CDHR3: variants seen among roughly 807,000 people sequenced by gnomAD.
The protein encoded by CDHR3 is cadherin-related family member 3.
A neutral mutation model predicts 86.6 loss-of-function variants in CDHR3; 79 were observed. The ratio of observed to expected loss-of-function variants is 0.91; its 90% CI spans 0.76 to 1.10. The LOEUF (loss-of-function observed/expected upper bound fraction) is 1.10. Among genes scored for constraint, CDHR3 ranks in the 50% least tolerant of loss-of-function variants. CDHR3 has a pLI of 0.00. For synonymous variants in CDHR3, 421 were observed against 402.4 expected, an observed-to-expected ratio of 1.05 and a Z score of -0.55; for missense variants, 1,081 against 1,077.6, an observed-to-expected ratio of 1.00 and a Z score of -0.04.
At chr7:106,019,615 A>T (rs929314207) in intron 12 of CDHR3, among the ~76,000 whole-genome samples, 19 of 152,340 alleles carry the variant, frequency 1.2e-4, no homozygotes, top group African/African-American at 4.3e-4. Flanking sequence ...CAGGCATCCC[A>T]GGCTATATTC....
At chr7:105,997,942 C>CT (rs11421876) in intron 6 of CDHR3, among the ~76,000 whole-genome samples, 1,860 of 147,066 alleles carry the variant, frequency 0.013, 26 homozygotes, top group African/African-American at 0.039. Context: ...GTGTGACGGT[C>CT]TTTTTTTTTT....
chr7:106,007,864 A>C (rs1834175195), intron 8 of CDHR3, among the ~76,000 whole-genome samples: 1 of 152,198 alleles, frequency 6.6e-6, no homozygotes, highest in Non-Finnish European at 1.5e-5. Flanking sequence ...TTACTGGATT[A>C]GTCCATTTTC....
intron 8 of CDHR3, among the ~76,000 whole-genome samples, chr7:106,005,903 A>C (rs986350505): frequency 3.3e-5 from 5 of 152,204 alleles, no homozygotes; most frequent in African/African-American, 1.2e-4. Context: ...TCTGTGCTCC[A>C]AGACGCTGAC....
At chr7:105,984,325 C>G in intron 4 of CDHR3, 36 bp downstream of exon 4, 1 of 1,538,332 alleles carries the variant, frequency 6.5e-7, no homozygotes, top group Non-Finnish European at 8.9e-7. Context: ...GGTGTTTGTC[C>G]GTGTTGGGTT....
Position 106,024,543 on chromosome 7 carries a change from G to A in CDHR3, c.2239G>A (p.Gly747Arg), listed in dbSNP as rs758080132. Residue 747 changes from glycine to arginine, a missense_variant, in exon 15 of 19, where the codon GGG becomes AGG. Gly to Arg is a moderately radical substitution (Grantham distance 125). Transcript: ENST00000317716. ...AIHRHCPCKTGKNKEPLTKKG... is the reference protein window; with the variant it reads ...AIHRHCPCKTRKNKEPLTKKG... ...CCACAGACACTGCCCCTGCAAGACT[G>A]GGAAGAACAAGGAACCTCTGTAAGT... 6.2e-7 allele frequency: 1 copy of A among 1,614,018 alleles called. No individual in the cohort carries two copies. The highest frequency in any genetic ancestry group is 1.1e-5 in the South Asian group (1 of 91,078).
rs559079966 is a variant in CDHR3, at chr7:106,001,465, G to C, written c.717G>C (p.Pro239=). Residue 239 remains proline, a synonymous_variant, in exon 7 of 19, where the codon CCG becomes CCC. Coordinates refer to ENST00000317716, the MANE Select transcript of CDHR3 (RefSeq NM_152750.5). The stretch of plus-strand genomic sequence containing the variant: ...GTCTGCTGTATCTCTGTTCCAGCCC[G>C]ACACGAGTGTACACAGTCCTGGAGG... The part of the protein sequence containing the change: ...LNDEVPRFTS[P]TRVYTVLEEL... The C allele has an allele frequency of 3.7e-6, 6 of 1,613,462 alleles. No homozygotes were observed. In the Admixed American group the frequency reaches 5.0e-5, roughly 13 times the overall value.
intron 2 of CDHR3, among the ~76,000 whole-genome samples, chr7:105,976,226 G>A (rs1017086424): frequency 2.6e-5 from 4 of 152,156 alleles, no homozygotes; most frequent in African/African-American, 4.8e-5. Flanking sequence ...TATAGAGCAC[G>A]TTGTGTACAC....
chr7:106,016,119 C>T (rs1835592952), intron 11 of CDHR3, 94 bp downstream of exon 11: 2 of 748,952 alleles, frequency 2.7e-6, no homozygotes, highest in Non-Finnish European at 2.3e-6. Flanking sequence ...CTGGAGGCCT[C>T]GCATGCTGTT....
chr7:106,001,617 C>T lies in CDHR3; in HGVS notation c.862+7C>T, dbSNP rs767292447. The T allele has an allele frequency of 2.5e-6, 4 of 1,613,734 alleles. No individual in the cohort carries two copies. The highest frequency in any genetic ancestry group is 2.7e-5 in the African/African-American group (2 of 75,024). ...TATTTCATGATAAATCAGTGTAAGC[C>T]ACTCACTTCCATCCTTAAGTGCATC... On this transcript the variant is annotated splice_region_variant and intron_variant, in intron 7 of 18. Transcript: ENST00000317716.
chr7:105,970,696 A>G (rs534246768), intron 1 of CDHR3, among the ~76,000 whole-genome samples: 1 of 152,306 alleles, frequency 6.6e-6, no homozygotes, highest in South Asian at 2.1e-4. Context: ...AGATGGGTTT[A>G]ACATTTTGTG....
intron 8 of CDHR3, among the ~76,000 whole-genome samples, chr7:106,005,350 G>A (rs1249079619): frequency 2.6e-5 from 4 of 152,166 alleles, no homozygotes; most frequent in Non-Finnish European, 5.9e-5. Context: ...GGGTTAATAA[G>A]CTTTTTGAAA....
intron 16 of CDHR3, among the ~76,000 whole-genome samples, chr7:106,028,190 G>T (rs1269648805): frequency 6.7e-6 from 1 of 148,552 alleles, no homozygotes; most frequent in Non-Finnish European, 1.5e-5. Context: ...AAGGGCTTGG[G>T]AATTAATGCA....
chr7:105,999,640 G>C (rs963161706), intron 6 of CDHR3, among the ~76,000 whole-genome samples: 4 of 152,230 alleles, frequency 2.6e-5, no homozygotes, highest in African/African-American at 9.6e-5. Context: ...GGAAGAAGGG[G>C]CTTTTCCTCC....
At chr7:106,009,670 C>CG (rs1834480649) in intron 8 of CDHR3, among the ~76,000 whole-genome samples, 3 of 152,216 alleles carry the variant, frequency 2.0e-5, no homozygotes, top group South Asian at 2.1e-4. Context: ...CCCCTGCTGC[C>CG]CGCGCGGGCT....
chr7:105,965,454 A>G (rs1826725986), intron 1 of CDHR3, among the ~76,000 whole-genome samples: 1 of 152,214 alleles, frequency 6.6e-6, no homozygotes. Flanking sequence ...AGCCTGGGCG[A>G]CAGAGTGAGA....
At chr7:106,009,345 G>A (rs1834414128) in intron 8 of CDHR3, among the ~76,000 whole-genome samples, 1 of 152,188 alleles carries the variant, frequency 6.6e-6, no homozygotes, top group South Asian at 2.1e-4. Flanking sequence ...CTGCATAAGG[G>A]CGGGTGCGGA....
chr7:106,008,746 T>C (rs987036072), intron 8 of CDHR3, among the ~76,000 whole-genome samples: 5 of 152,126 alleles, frequency 3.3e-5, no homozygotes, highest in African/African-American at 1.2e-4. Flanking sequence ...ACTTACACTT[T>C]CTTTGACATT....
At chr7:106,028,758 T>A (rs919960930) in intron 17 of CDHR3, among the ~76,000 whole-genome samples, 176 bp downstream of exon 17, 1 of 152,212 alleles carries the variant, frequency 6.6e-6, no homozygotes, top group Non-Finnish European at 1.5e-5. Flanking sequence ...ATTTGTTCCC[T>A]CCACTGAACA....
chr7:106,014,570 A>G (rs936019537), intron 9 of CDHR3, among the ~76,000 whole-genome samples: 2 of 152,204 alleles, frequency 1.3e-5, no homozygotes, highest in African/African-American at 4.8e-5. Flanking sequence ...GCAGTGAGCT[A>G]TGATTACACC....
Sources: gnomAD v4.1 joint callset for allele counts (sites outside exome capture counted in the v4.1 genomes callset) on GRCh38, gnomAD v4.1.1 for gene constraint, MANE v1.5 for transcripts, NCBI Gene and HGNC (gene_info 2026-07-23, HGNC 2026-07-21) for gene names.